Variants in FFAR4 observed in about 807,000 individuals in gnomAD.
The protein encoded by FFAR4 is G-protein coupled receptor 120.
Under a neutral mutation model 27.0 loss-of-function variants are expected in FFAR4, and 19 were observed. The observed-to-expected ratio is 0.70, with a 90% confidence interval of 0.49 to 1.03. FFAR4 has a LOEUF of 1.03. FFAR4 is among the 50% of genes least tolerant of loss of function. FFAR4 has a pLI of 0.00. For synonymous variants in FFAR4, 254 were observed against 215.6 expected (o/e 1.18, Z -1.56); for missense variants, 476 against 479.0 (o/e 0.99, Z 0.06).
At chr10:93,585,293 T>C (rs74992627) in intron 2 of FFAR4, among the ~76,000 whole-genome samples, 11,465 of 152,206 alleles carry the variant, frequency 0.075, 529 homozygotes, top group Non-Finnish European at 0.097. Context: ...AGGAATTTAT[T>C]CTACTGACAT....
intron 2 of FFAR4, among the ~76,000 whole-genome samples, chr10:93,585,971 G>T (rs372497957): frequency 1.3e-5 from 2 of 152,090 alleles, no homozygotes; most frequent in Non-Finnish European, 2.9e-5. Context: ...ATTTTCTCCC[G>T]CTCCTGCAAA....
At position 93,587,383 on chromosome 10, in the gene FFAR4, T is replaced by A. The variant is rs200654447; in HGVS notation, c.860T>A (p.Ile287Asn). The part of the protein sequence containing the change: ...WSPIIITILL[I>N]LIQNFKQDLV... ...CCCATCATCATCACCATCCTCCTCA[T>A]CCTGATCCAGAACTTCAAGCAAGAC... The change falls in exon 3 of 3, where the codon ATC becomes AAC. Residue 287 changes from isoleucine to asparagine, a missense_variant. Physicochemically the swap from Ile to Asn is moderately radical, Grantham distance 149 (BLOSUM62 -3). Transcript: ENST00000371481. 6.2e-7 allele frequency: 1 copy of A among 1,613,908 alleles called. No individual in the cohort carries two copies. The highest frequency in any genetic ancestry group is 1.7e-5 in the Admixed American group (1 of 59,998).
chr10:93,581,274 T>A (rs2058195831), intron 2 of FFAR4, among the ~76,000 whole-genome samples: 1 of 152,100 alleles, frequency 6.6e-6, no homozygotes, highest in Non-Finnish European at 1.5e-5. Flanking sequence ...AACATGAGGG[T>A]GTTAGACAGT....
chr10:93,584,135 A>G (rs1258621585), intron 2 of FFAR4, among the ~76,000 whole-genome samples: 1 of 152,206 alleles, frequency 6.6e-6, no homozygotes, highest in East Asian at 1.9e-4. Context: ...TAGATTAACC[A>G]GGTTTCACCG....
intron 1 of FFAR4, 55 bp downstream of exon 1, chr10:93,567,342 G>C: frequency 6.7e-7 from 1 of 1,498,434 alleles, no homozygotes; most frequent in Non-Finnish European, 9.0e-7. Flanking sequence ...TGGGAAGCGG[G>C]GCCCCGACGG....
chr10:93,587,519 A>G lies in FFAR4; in HGVS notation c.996A>G (p.Lys332=). ...NMTLCRNEWK[K]IFCCFWFPEK... ...CACTGTGCAGGAATGAGTGGAAGAA[A>G]ATTTTTTGCTGCTTCTGGTTCCCAG... Residue 332 remains lysine, a synonymous_variant, in exon 3 of 3, where the codon AAA becomes AAG. Coordinates refer to ENST00000371481, the MANE Select transcript of FFAR4 (RefSeq NM_001195755.2). 6.2e-7 allele frequency: 1 copy of G among 1,613,910 alleles called. No homozygotes were observed. The highest frequency in any genetic ancestry group is 8.5e-7 in the Non-Finnish European group (1 of 1,179,986).
chr10:93,575,380 G>A (rs2058157827), intron 1 of FFAR4, among the ~76,000 whole-genome samples: 1 of 152,244 alleles, frequency 6.6e-6, no homozygotes, highest in South Asian at 2.1e-4. Flanking sequence ...GTCTCCATAT[G>A]TTGCAGTTCT....
intron 1 of FFAR4, among the ~76,000 whole-genome samples, chr10:93,568,159 C>A (rs572561416): frequency 6.6e-6 from 1 of 152,058 alleles, no homozygotes; most frequent in African/African-American, 2.4e-5. Context: ...TTTCTCTTGC[C>A]GCTTTGCCCG....
At chr10:93,581,777 GGGCCCCCCA>G in intron 2 of FFAR4, among the ~76,000 whole-genome samples, 1 of 152,210 alleles carries the variant, frequency 6.6e-6, no homozygotes, top group Admixed American at 6.5e-5. Context: ...ATGTCTGAAG[GGGCCCCCCA>G]GCATTTGCAT....
intron 2 of FFAR4, among the ~76,000 whole-genome samples, chr10:93,577,494 C>A (rs1027657830): frequency 3.3e-5 from 5 of 152,140 alleles, no homozygotes; most frequent in Admixed American, 6.6e-5. Context: ...TCTTGCCCAC[C>A]CAATGACCAC....
At chr10:93,578,570 G>A (rs893278696) in intron 2 of FFAR4, among the ~76,000 whole-genome samples, 1 of 152,074 alleles carries the variant, frequency 6.6e-6, no homozygotes, top group Non-Finnish European at 1.5e-5. Context: ...ACCATCTCTG[G>A]GCCTCAGTTT....
At chr10:93,568,742 G>T (rs941259468) in intron 1 of FFAR4, among the ~76,000 whole-genome samples, 3 of 152,126 alleles carry the variant, frequency 2.0e-5, no homozygotes, top group African/African-American at 7.2e-5. Context: ...TCCTGTGCGA[G>T]ATTTTTTTTT....
chr10:93,588,290 G>T lies in FFAR4; in HGVS notation c.*681G>T, dbSNP rs2058241914. On this transcript the variant is annotated 3_prime_UTR_variant, in exon 3 of 3. Coordinates refer to ENST00000371481, the MANE Select transcript of FFAR4 (RefSeq NM_001195755.2). ...AGGACGCAGATTTCTCCTCTGAAGG[G>T]TCACAGCCACCCTGTGCCCTACCTT... 2 of 152,102 alleles carry T rather than the reference G, an allele frequency of 1.3e-5. No individual in the cohort carries two copies. The highest frequency in any genetic ancestry group is 6.5e-5 in the Admixed American group (1 of 15,270). The allele number at this position is 152,102 out of a possible 1,614,324, so 9.4% of individuals were successfully genotyped here.
In FFAR4 at chr10:93,566,926, G is replaced by A. The variant is rs765783581; in HGVS notation, c.206G>A (p.Arg69Gln). ...VCALVLVARR[R>Q]RRGATACLVL... ...GCCCTGGTGCTGGTGGCGCGCCGAC[G>A]ACGCCGCGGCGCGACTGCCTGCCTG... Residue 69 changes from arginine (R) to glutamine (Q), a missense_variant, in exon 1 of 3, where the codon CGA (arginine) becomes CAA (glutamine). Arg to Gln is a conservative substitution (Grantham distance 43). Coordinates refer to ENST00000371481, the MANE Select transcript of FFAR4 (RefSeq NM_001195755.2). 1.9e-6 allele frequency: 3 copies of A among 1,609,772 alleles called. No individual in the cohort carries two copies. Among genetic ancestry groups the A allele is most frequent in the East Asian group, 2.2e-5 (1 of 44,684 alleles).
intron 2 of FFAR4, chr10:93,579,160 C>T (rs1430617555): frequency 1.2e-6 from 2 of 1,613,964 alleles, no homozygotes; most frequent in Non-Finnish European, 1.7e-6. Context: ...CCATTACAGA[C>T]CTCGGAACAC....
chr10:93,577,584 C>G (rs750174297), intron 2 of FFAR4, among the ~76,000 whole-genome samples: 13 of 152,092 alleles, frequency 8.5e-5, no homozygotes, highest in Non-Finnish European at 1.5e-4. Context: ...ACAGTGCTTG[C>G]GATGGGACCA....
At chr10:93,584,951 GC>G (rs919189482) in intron 2 of FFAR4, among the ~76,000 whole-genome samples, 15 of 152,076 alleles carry the variant, frequency 9.9e-5, no homozygotes, top group Non-Finnish European at 2.1e-4. Context: ...CAGGCGATCT[GC>G]CCGCCTCAGC....
At chr10:93,582,051 A>T (rs1417901391) in intron 2 of FFAR4, among the ~76,000 whole-genome samples, 1 of 152,212 alleles carries the variant, frequency 6.6e-6, no homozygotes, top group Non-Finnish European at 1.5e-5. Context: ...CATTTAGTTT[A>T]ATCTAAAAGC....
chr10:93,585,162 T>G (rs68131763), intron 2 of FFAR4, among the ~76,000 whole-genome samples: 1 of 152,030 alleles, frequency 6.6e-6, no homozygotes, highest in South Asian at 2.1e-4. Flanking sequence ...GAAAGAAGAG[T>G]CCAGAATCCC....
Sources: allele counts gnomAD v4.1 joint callset (sites outside exome capture counted in the v4.1 genomes callset), GRCh38; gene constraint gnomAD v4.1.1; transcripts MANE v1.5; gene names NCBI Gene and HGNC (gene_info 2026-07-23, HGNC 2026-07-21).